FHIT: variants seen among roughly 807,000 people sequenced by gnomAD.
FHIT encodes bis(5'-adenosyl)-triphosphatase.
Under a neutral mutation model 17.9 loss-of-function variants are expected in FHIT, and 19 were observed. The observed-to-expected ratio is 1.06, with a 90% confidence interval of 0.74 to 1.56. The LOEUF (loss-of-function observed/expected upper bound fraction) is 1.56, where lower values mean the gene tolerates loss of function less well. Among genes scored for constraint, FHIT ranks in the 40% most tolerant of loss-of-function variants. FHIT has a pLI of 0.00. For synonymous variants in FHIT, 81 were observed against 69.7 expected (o/e 1.16, Z -0.81); for missense variants, 248 against 189.2 (o/e 1.31, Z -1.82).
intron 3 of FHIT, among the ~76,000 whole-genome samples, chr3:61,031,553 C>G (rs957778525): frequency 2.0e-5 from 3 of 152,152 alleles, no homozygotes; most frequent in African/African-American, 7.2e-5. Flanking sequence ...TTCATCTACT[C>G]TAACATCCCA....
At chr3:60,537,865 G>A (rs565837638) in intron 4 of FHIT, among the ~76,000 whole-genome samples, 4 of 152,188 alleles carry the variant, frequency 2.6e-5, no homozygotes, top group South Asian at 2.1e-4. Flanking sequence ...TTTCTAATTC[G>A]GGAACAGCCT....
chr3:60,264,036 G>T (rs1344444766), intron 5 of FHIT, among the ~76,000 whole-genome samples: 1 of 151,714 alleles, frequency 6.6e-6, no homozygotes, highest in Non-Finnish European at 1.5e-5. Context: ...GTCCTGAGGT[G>T]GTTAGCTAAG....
At chr3:61,079,316 C>A (rs987913455) in intron 2 of FHIT, among the ~76,000 whole-genome samples, 6 of 151,978 alleles carry the variant, frequency 3.9e-5, no homozygotes, top group African/African-American at 1.5e-4. Context: ...ACCCATAAAG[C>A]CAAACTACAC....
chr3:59,919,706 T>A (rs986157021), intron 8 of FHIT, among the ~76,000 whole-genome samples: 4 of 152,196 alleles, frequency 2.6e-5, no homozygotes, highest in African/African-American at 9.7e-5. Flanking sequence ...TGGAGCTCAG[T>A]CTCCTGCTGT....
intron 2 of FHIT, among the ~76,000 whole-genome samples, chr3:61,094,526 A>C (rs1415811620): frequency 6.6e-6 from 1 of 152,224 alleles, no homozygotes; most frequent in Non-Finnish European, 1.5e-5. Context: ...AGATGCTTCA[A>C]GATCCCCAGT....
chr3:59,962,245 C>T (rs897009850), intron 7 of FHIT, among the ~76,000 whole-genome samples: 5 of 152,180 alleles, frequency 3.3e-5, no homozygotes, highest in Non-Finnish European at 5.9e-5. Flanking sequence ...ATATAATCAG[C>T]CTTCTGTTTT....
At chr3:60,895,991 C>T (rs1553761849) in intron 3 of FHIT, among the ~76,000 whole-genome samples, 3 of 151,892 alleles carry the variant, frequency 2.0e-5, no homozygotes, top group Non-Finnish European at 2.9e-5. Context: ...ACTGGCTGCA[C>T]ACTAGGAGGT....
intron 4 of FHIT, among the ~76,000 whole-genome samples, chr3:60,584,696 T>C (rs1394425410): frequency 6.6e-6 from 1 of 152,048 alleles, no homozygotes; most frequent in Non-Finnish European, 1.5e-5. Flanking sequence ...GGAAAGAAGT[T>C]ACAAAGTCCT....
intron 4 of FHIT, among the ~76,000 whole-genome samples, chr3:60,711,609 C>T (rs550198171): frequency 2.6e-5 from 4 of 152,064 alleles, no homozygotes; most frequent in Admixed American, 6.6e-5. Flanking sequence ...AGCCAAGGCT[C>T]GAGAACTACG....
chr3:60,933,215 G>A (rs1553772277), intron 3 of FHIT, among the ~76,000 whole-genome samples: 1 of 152,098 alleles, frequency 6.6e-6, no homozygotes, highest in East Asian at 1.9e-4. Context: ...TAAAAATTTT[G>A]TATACATGGG....
At chr3:60,246,575 A>C (rs1312580276) in intron 5 of FHIT, among the ~76,000 whole-genome samples, 1 of 152,108 alleles carries the variant, frequency 6.6e-6, no homozygotes, top group Non-Finnish European at 1.5e-5. Flanking sequence ...TGGTGCCAAA[A>C]AACACAGATC....
intron 8 of FHIT, among the ~76,000 whole-genome samples, chr3:59,763,112 C>T (rs1287620328): frequency 6.6e-6 from 1 of 152,160 alleles, no homozygotes; most frequent in African/African-American, 2.4e-5. Context: ...GTGATGTCAA[C>T]CCACAGTACT....
chr3:60,552,845 T>C (rs2036605420), intron 4 of FHIT, among the ~76,000 whole-genome samples: 1 of 152,216 alleles, frequency 6.6e-6, no homozygotes, highest in Non-Finnish European at 1.5e-5. Flanking sequence ...TATTTCTGAG[T>C]GGGGCCAGTG....
chr3:60,965,740 G>T (rs1331967228), intron 3 of FHIT, among the ~76,000 whole-genome samples: 1 of 152,192 alleles, frequency 6.6e-6, no homozygotes, highest in Non-Finnish European at 1.5e-5. Context: ...ACCAGCGGAG[G>T]CTGCAGAACA....
At chr3:60,403,588 C>G (rs1161744902) in intron 5 of FHIT, among the ~76,000 whole-genome samples, 1 of 152,148 alleles carries the variant, frequency 6.6e-6, no homozygotes, top group Non-Finnish European at 1.5e-5. Flanking sequence ...AACTATCTGA[C>G]CTACCTTGCT....
chr3:60,086,729 G>C (rs1703509687), intron 5 of FHIT, among the ~76,000 whole-genome samples: 2 of 152,234 alleles, frequency 1.3e-5, no homozygotes, highest in African/African-American at 2.4e-5. Context: ...CCTAGGTACT[G>C]CAAGGGGTGG....
At chr3:60,359,504 C>G (rs2106988835) in intron 5 of FHIT, among the ~76,000 whole-genome samples, 1 of 152,168 alleles carries the variant, frequency 6.6e-6, no homozygotes, top group South Asian at 2.1e-4. Context: ...TGGTCTCAAT[C>G]TCTTGACCTC....
At chr3:59,943,203 G>A (rs1008382927) in intron 7 of FHIT, among the ~76,000 whole-genome samples, 1 of 152,126 alleles carries the variant, frequency 6.6e-6, no homozygotes, top group Admixed American at 6.5e-5. Flanking sequence ...TAGGAATCAG[G>A]AAGCTGATCA....
intron 5 of FHIT, among the ~76,000 whole-genome samples, chr3:60,118,197 T>C (rs538389705): frequency 6.6e-6 from 1 of 152,162 alleles, no homozygotes; most frequent in East Asian, 1.9e-4. Flanking sequence ...GCCTCCAGTT[T>C]CTGGGTTCAA....
Sources: gnomAD v4.1 joint callset for allele counts (sites outside exome capture counted in the v4.1 genomes callset) on GRCh38, gnomAD v4.1.1 for gene constraint, MANE v1.5 for transcripts, NCBI Gene and HGNC (gene_info 2026-07-23, HGNC 2026-07-21) for gene names.